CYB5D1: variants seen among roughly 807,000 people sequenced by gnomAD.
CYB5D1 encodes the protein cytochrome b5 domain containing 1, also known as cytochrome b5 domain-containing protein 1.
Under a neutral mutation model 24.3 loss-of-function variants are expected in CYB5D1, and 30 were observed. That is an observed-to-expected ratio of 1.23 (90% CI 0.92 to 1.67). The LOEUF (loss-of-function observed/expected upper bound fraction) is 1.67, where lower values mean the gene tolerates loss of function less well. Among genes scored for constraint, CYB5D1 ranks in the 40% most tolerant of loss-of-function variants. The probability of loss-of-function intolerance (pLI) is 0.00; values close to 1 mark genes in which losing one functional copy is unlikely to be tolerated. For missense variants in CYB5D1, 265 were observed against 296.7 expected, an observed-to-expected ratio of 0.89 and a Z score of 0.79; for synonymous variants, 128 against 123.2, an observed-to-expected ratio of 1.04 and a Z score of -0.26.
At position 7,859,656 on chromosome 17, in the gene CYB5D1, T is replaced by C; in HGVS notation, c.*44T>C. 1 of 1,595,856 alleles carries C rather than the reference T, an allele frequency of 6.3e-7. No individual in the cohort carries two copies. Among genetic ancestry groups the C allele is most frequent in the Non-Finnish European group, 8.6e-7 (1 of 1,164,838 alleles). On this transcript the variant is annotated 3_prime_UTR_variant, in exon 4 of 4. Transcript: ENST00000332439. ...GTGTAGACTCAAGACGTATTTCGAG[T>C]TTGGCTTTTTCTGTGCCTTGAGGAA...
rs1325875209 is a variant in CYB5D1, at chr17:7,858,059, G to A, written c.-76G>A. 35 of 1,574,804 alleles carry A rather than the reference G, an allele frequency of 2.2e-5. No individual in the cohort carries two copies. The highest frequency in any genetic ancestry group is 2.8e-5 in the Non-Finnish European group (33 of 1,160,570). On this transcript the variant is annotated 5_prime_UTR_variant, in exon 1 of 4. Coordinates refer to ENST00000332439, the MANE Select transcript of CYB5D1 (RefSeq NM_144607.6). ...CCCCTCGGCTCCCGGACGCGACGGA[G>A]GTCGTAGTAGTAGTGAGTACGTGCT...
chr17:7,858,117 AC>A lies in CYB5D1; in HGVS notation c.-16del, dbSNP rs2078847132. 10 of 1,612,654 alleles carry A rather than the reference AC, an allele frequency of 6.2e-6. No individual in the cohort carries two copies. The highest frequency in any genetic ancestry group is 8.5e-6 in the Non-Finnish European group (10 of 1,179,800). ...AAAGGAGTAACCAAGAGATCCAGTGACCGACAGAGCAAGAGCCATGCCGCGC... is the reference window on the plus strand; with the variant it reads ...AAAGGAGTAACCAAGAGATCCAGTGACGACAGAGCAAGAGCCATGCCGCGC... On this transcript the variant is annotated 5_prime_UTR_variant, in exon 1 of 4. Transcript: ENST00000332439.
chr17:7,859,752 G>A lies in CYB5D1; in HGVS notation c.*140G>A. 1 of 691,858 alleles carries A rather than the reference G, an allele frequency of 1.4e-6. No homozygotes were observed. Among genetic ancestry groups the A allele is most frequent in the South Asian group, 1.8e-5 (1 of 56,990 alleles). The allele number at this position is 691,858 out of a possible 1,614,324, so 42.9% of individuals were successfully genotyped here. ...TCCAGGAGCTAGCCTGTGCCCTTCTGAAGTGTAAAGGCCCTATTCCCTGCC... is the reference window on the plus strand; with the variant it reads ...TCCAGGAGCTAGCCTGTGCCCTTCTAAAGTGTAAAGGCCCTATTCCCTGCC... On this transcript the variant is annotated 3_prime_UTR_variant, in exon 4 of 4. Coordinates refer to ENST00000332439, the MANE Select transcript of CYB5D1 (RefSeq NM_144607.6).
rs746389728 is a variant in CYB5D1 at position 7,859,455 on chromosome 17, C to G, written c.530C>G (p.Thr177Arg). Residue 177 changes from threonine (T) to arginine (R), a missense_variant, in exon 4 of 4, where the codon ACG (threonine) becomes AGG (arginine). Transcript: ENST00000332439. ...LPYNSHAASYTWKYEGKNLNM... is the reference protein window; with the variant it reads ...LPYNSHAASYRWKYEGKNLNM... ...TATAACTCACATGCTGCCAGCTACA[C>G]GTGGAAATATGAAGGGAAGAACCTG... is the stretch of plus-strand genomic sequence containing the variant. 40 of 1,613,986 alleles carry G rather than the reference C, an allele frequency of 2.5e-5. No homozygotes were observed. Among genetic ancestry groups the G allele is most frequent in the Non-Finnish European group, 3.2e-5 (38 of 1,180,016 alleles).
rs1248768606 is a variant in CYB5D1, at chr17:7,860,632, C to G, written c.*1020C>G. ...CTCATGTTAACATTTGTAGCCACTG[C>G]TCTCAGCAAGTATTTGGGATGTGGC... On this transcript the variant is annotated 3_prime_UTR_variant, in exon 4 of 4. Coordinates refer to ENST00000332439, the MANE Select transcript of CYB5D1 (RefSeq NM_144607.6). 6.6e-6 allele frequency: 1 copy of G among 152,190 alleles called. No individual in the cohort carries two copies. Among genetic ancestry groups the G allele is most frequent in the Non-Finnish European group, 1.5e-5 (1 of 68,048 alleles). The allele number at this position is 152,190 out of a possible 1,614,324, so 9.4% of individuals were successfully genotyped here.
At position 7,858,677 on chromosome 17, in the gene CYB5D1, T is replaced by G; in HGVS notation, c.309T>G (p.Val103=). 2.5e-6 allele frequency: 4 copies of G among 1,611,240 alleles called. No homozygotes were observed. The highest frequency in any genetic ancestry group is 3.4e-6 in the Non-Finnish European group (4 of 1,178,328). ...YCTPRGRFVH[V]PPQLPCSDWA... The stretch of plus-strand genomic sequence containing the variant: ...CCCCGCGGGGCCGCTTTGTGCACGT[T>G]CCGCCTCAGCTGCCCTGTTCGGACT... The change falls in exon 3 of 4, where the codon GTT becomes GTG. Residue 103 remains valine (V), a synonymous_variant. Coordinates refer to ENST00000332439, the MANE Select transcript of CYB5D1 (RefSeq NM_144607.6).
chr17:7,858,555 C>T (rs748033882), intron 2 of CYB5D1, 51 bp from the exon 3 acceptor site: 4 of 1,611,984 alleles, frequency 2.5e-6, no homozygotes, highest in East Asian at 2.2e-5. Context: ...CGGAGGCTAG[C>T]CAGAGCCTAA....
chr17:7,861,808 TA>T lies in CYB5D1; in HGVS notation c.*2199del, dbSNP rs749967212. Reference sequence around the variant, plus strand: ...GAGAGTCAGCTATGAAAAACAAACCTAAACATCGAACTTTCCTTAGCTTCTT... The same window carrying T: ...GAGAGTCAGCTATGAAAAACAAACCTAACATCGAACTTTCCTTAGCTTCTT... On this transcript the variant is annotated 3_prime_UTR_variant, in exon 4 of 4. Transcript: ENST00000332439. 1 of 152,266 alleles carries T rather than the reference TA, an allele frequency of 6.6e-6. No individual in the cohort carries two copies. Among genetic ancestry groups the T allele is most frequent in the Non-Finnish European group, 1.5e-5 (1 of 68,044 alleles). The allele number at this position is 152,266 out of a possible 1,614,324, so 9.4% of individuals were successfully genotyped here.
Position 7,859,777 on chromosome 17 carries a change from C to T in CYB5D1, c.*165C>T. On this transcript the variant is annotated 3_prime_UTR_variant, in exon 4 of 4. Transcript: ENST00000332439. ...GAAGTGTAAAGGCCCTATTCCCTGC[C>T]TTCATTACAGTTTGCTCTGAGAAAA... The T allele has an allele frequency of 1.6e-6, 1 of 615,012 alleles. No homozygotes were observed. Among genetic ancestry groups the T allele is most frequent in the South Asian group, 2.0e-5 (1 of 51,262 alleles). 38.1% of individuals were successfully genotyped at this position (615,012 alleles called of 1,614,324 possible).
In CYB5D1 at chr17:7,858,018, A is replaced by G. The variant is rs1435789305; in HGVS notation, c.-117A>G. ...GGAAAAGGACAATGGTTTCCATGTCAGCGGATAAACGCTCTCCCCTCGGCT... is the reference window on the plus strand; with the variant it reads ...GGAAAAGGACAATGGTTTCCATGTCGGCGGATAAACGCTCTCCCCTCGGCT... On this transcript the variant is annotated 5_prime_UTR_variant, in exon 1 of 4. Transcript: ENST00000332439. 2 of 1,527,166 alleles carry G rather than the reference A, an allele frequency of 1.3e-6. No homozygotes were observed. Among genetic ancestry groups the G allele is most frequent in the East Asian group, 2.3e-5 (1 of 44,218 alleles). 94.6% of individuals were successfully genotyped at this position (1,527,166 alleles called of 1,614,324 possible).
intron 3 of CYB5D1, chr17:7,859,036 T>G (rs573135251): frequency 5.3e-6 from 3 of 568,552 alleles, no homozygotes; most frequent in East Asian, 2.9e-5. Flanking sequence ...GACTCCTTTA[T>G]AAGCCTGGGA....
In CYB5D1 at chr17:7,858,257, C is replaced by T. The variant is rs762903369; in HGVS notation, c.123C>T (p.Arg41=). 1.2e-6 allele frequency: 2 copies of T among 1,613,856 alleles called. No individual in the cohort carries two copies. The highest frequency in any genetic ancestry group is 1.7e-6 in the Non-Finnish European group (2 of 1,180,006). ...ACCTCTGGGTATCTTACCTGGGACG[C>T]GTGTACGACCTAACGTCATTGGCAC... is the stretch of plus-strand genomic sequence containing the variant. ...PEDLWVSYLG[R]VYDLTSLAQE... is the part of the protein sequence containing the mutation. Residue 41 remains arginine (R), a synonymous_variant, in exon 1 of 4, where the codon CGC becomes CGT. Coordinates refer to ENST00000332439, the MANE Select transcript of CYB5D1 (RefSeq NM_144607.6).
At position 7,858,670 on chromosome 17, in the gene CYB5D1, T is replaced by C; in HGVS notation, c.302T>C (p.Val101Ala). Residue 101 changes from valine (V) to alanine (A), a missense_variant, in exon 3 of 4, where the codon GTG (valine) becomes GCG (alanine). Physicochemically the swap from Val to Ala is moderately conservative, Grantham distance 64. Coordinates refer to ENST00000332439, the MANE Select transcript of CYB5D1 (RefSeq NM_144607.6). ...TACTGCACCCCGCGGGGCCGCTTTGTGCACGTTCCGCCTCAGCTGCCCTGT... is the reference window on the plus strand; with the variant it reads ...TACTGCACCCCGCGGGGCCGCTTTGCGCACGTTCCGCCTCAGCTGCCCTGT... Reference protein sequence around the residue: ...LRYCTPRGRFVHVPPQLPCSD... With the variant: ...LRYCTPRGRFAHVPPQLPCSD... 2 of 1,611,072 alleles carry C rather than the reference T, an allele frequency of 1.2e-6. No individual in the cohort carries two copies. Among genetic ancestry groups the C allele is most frequent in the South Asian group, 2.2e-5 (2 of 90,772 alleles).
In CYB5D1 at chr17:7,859,273, G is replaced by T. The variant is rs574294882; in HGVS notation, c.457-109G>T. On this transcript the variant is annotated intron_variant, in intron 3 of 3. Transcript: ENST00000332439. ...GTTTCAGCTTTTTTTTCCCGGGGCC[G>T]TAGAGTACCTGAAGCTGCTATCTGC... 4 of 830,298 alleles carry T rather than the reference G, an allele frequency of 4.8e-6. No individual in the cohort carries two copies. In the Admixed American group the frequency reaches 7.2e-5, roughly 15 times the overall value. The allele number at this position is 830,298 out of a possible 1,614,324, so 51.4% of individuals were successfully genotyped here.
In CYB5D1 at chr17:7,862,149, T is replaced by C. The variant is rs1016986064; in HGVS notation, c.*2537T>C. 1 of 152,252 alleles carries C rather than the reference T, an allele frequency of 6.6e-6. No homozygotes were observed. The highest frequency in any genetic ancestry group is 2.4e-5 in the African/African-American group (1 of 41,472). 9.4% of individuals were successfully genotyped at this position (152,252 alleles called of 1,614,324 possible). On this transcript the variant is annotated 3_prime_UTR_variant, in exon 4 of 4. Transcript: ENST00000332439. The stretch of plus-strand genomic sequence containing the variant: ...AGTTTTTATTACAATTGTAAAATTA[T>C]GGCTGTAATAGGCTGGCTGCGCTGC...
intron 3 of CYB5D1, 128 bp from the exon 4 acceptor site, chr17:7,859,254 G>A (rs1285522843): frequency 2.8e-6 from 2 of 708,008 alleles, no homozygotes; most frequent in Non-Finnish European, 2.3e-6. Context: ...TGGAGTTTCA[G>A]CTTTTTTTTC....
intron 2 of CYB5D1, 63 bp from the exon 3 acceptor site, chr17:7,858,543 G>T: frequency 6.2e-7 from 1 of 1,613,646 alleles, no homozygotes; most frequent in South Asian, 1.1e-5. Flanking sequence ...GGGAAGGAAA[G>T]GCGGAGGCTA....
Position 7,859,385 on chromosome 17 carries a change from G to T in CYB5D1, c.460G>T (p.Gly154Trp). The stretch of plus-strand genomic sequence containing the variant: ...GGGGTGCTTCTGTGTTCTCCAGGTG[G>T]GGGTTCTGGAGTCCATATGGGAAAT... The part of the protein sequence containing the change: ...LTSQEHTLEV[G>W]VLESIWEILH... The change falls in exon 4 of 4, where the codon GGG (glycine) becomes TGG (tryptophan). Residue 154 changes from glycine to tryptophan, a missense_variant. Transcript: ENST00000332439. 6.2e-7 allele frequency: 1 copy of T among 1,613,156 alleles called. No individual in the cohort carries two copies. Among genetic ancestry groups the T allele is most frequent in the Non-Finnish European group, 8.5e-7 (1 of 1,179,284 alleles).
rs190178352 is a variant in CYB5D1 at position 7,861,014 on chromosome 17, C to T, written c.*1402C>T. 58 of 152,114 alleles carry T rather than the reference C, an allele frequency of 3.8e-4. No homozygotes were observed. Among genetic ancestry groups the T allele is most frequent in the African/African-American group, 1.3e-3 (55 of 41,476 alleles). The allele number at this position is 152,114 out of a possible 1,614,324, so 9.4% of individuals were successfully genotyped here. A position where few individuals can be genotyped will look rare whatever the true frequency, so the allele number is the denominator to read the frequency against. ...GACGGTGACTCCAAAAGAGGGAGCT[C>T]GACAGGGGTAATGTAAACAGAGATG... On this transcript the variant is annotated 3_prime_UTR_variant, in exon 4 of 4. Coordinates refer to ENST00000332439, the MANE Select transcript of CYB5D1 (RefSeq NM_144607.6).
Sources: gnomAD v4.1 joint callset for allele counts on GRCh38, gnomAD v4.1.1 for gene constraint, MANE v1.5 for transcripts, NCBI Gene and HGNC (gene_info 2026-07-23, HGNC 2026-07-21) for gene names.